Variants in NRG3 observed in about 807,000 individuals in gnomAD.
NRG3 encodes the protein pro-neuregulin-3, membrane-bound isoform.
A neutral mutation model predicts 66.9 loss-of-function variants in NRG3; 31 were observed. The ratio of observed to expected loss-of-function variants is 0.46; its 90% CI spans 0.35 to 0.63. The LOEUF is 0.63. NRG3 is among the 20% of genes least tolerant of loss of function. The probability of loss-of-function intolerance (pLI) is 0.00; values close to 1 mark genes in which losing one functional copy is unlikely to be tolerated. For synonymous variants in NRG3, 393 were observed against 359.4 expected (o/e 1.09, Z -1.06); for missense variants, 910 against 878.9 (o/e 1.04, Z -0.45).
intron 1 of NRG3, among the ~76,000 whole-genome samples, chr10:81,900,356 C>T (rs1459939023): frequency 1.3e-5 from 2 of 151,756 alleles, no homozygotes; most frequent in African/African-American, 4.8e-5. Context: ...GCTAACTTGG[C>T]AAAATAATTT....
At chr10:82,338,852 A>G (rs901314578) in intron 1 of NRG3, among the ~76,000 whole-genome samples, 3 of 152,178 alleles carry the variant, frequency 2.0e-5, no homozygotes, top group Non-Finnish European at 2.9e-5. Context: ...GCAAACCCAG[A>G]TCTGCAAAAG....
intron 1 of NRG3, among the ~76,000 whole-genome samples, chr10:81,994,550 T>C (rs1163736183): frequency 5.3e-5 from 8 of 151,266 alleles, no homozygotes; most frequent in South Asian, 2.1e-4. Flanking sequence ...CTTTTTTTTT[T>C]CCTTGCATAA....
chr10:82,814,374 G>T (rs1012423859), intron 3 of NRG3, among the ~76,000 whole-genome samples: 7 of 152,026 alleles, frequency 4.6e-5, no homozygotes, highest in Admixed American at 3.9e-4. Flanking sequence ...GATTTGCCTA[G>T]GATTAATTTT....
intron 1 of NRG3, among the ~76,000 whole-genome samples, chr10:82,122,536 A>G (rs903236607): frequency 6.6e-6 from 1 of 152,100 alleles, no homozygotes; most frequent in Non-Finnish European, 1.5e-5. Flanking sequence ...ATGAGAGTTG[A>G]ATTCTTTCTC....
chr10:82,701,263 G>T (rs1251719481), intron 2 of NRG3, among the ~76,000 whole-genome samples: 1 of 152,068 alleles, frequency 6.6e-6, no homozygotes, highest in Non-Finnish European at 1.5e-5. Flanking sequence ...TGCTGAATGT[G>T]TACATACATG....
At chr10:82,721,111 C>A (rs2057288858) in intron 2 of NRG3, among the ~76,000 whole-genome samples, 3 of 137,136 alleles carry the variant, frequency 2.2e-5, no homozygotes, top group Non-Finnish European at 3.1e-5. Flanking sequence ...TATTTTGAAA[C>A]AGAGTTTCAC....
intron 1 of NRG3, among the ~76,000 whole-genome samples, chr10:82,202,036 A>G (rs937552719): frequency 6.6e-6 from 1 of 152,212 alleles, no homozygotes; most frequent in African/African-American, 2.4e-5. Flanking sequence ...TTTCTTGAAG[A>G]CCTACTGAGT....
chr10:82,311,664 A>G (rs1181179334), intron 1 of NRG3, among the ~76,000 whole-genome samples: 1 of 152,214 alleles, frequency 6.6e-6, no homozygotes, highest in Non-Finnish European at 1.5e-5. Flanking sequence ...TTTACCAAGC[A>G]CTTTCCAGGA....
chr10:82,221,356 C>T (rs1015407245), intron 1 of NRG3, among the ~76,000 whole-genome samples: 2 of 151,854 alleles, frequency 1.3e-5, no homozygotes, highest in African/African-American at 4.8e-5. Context: ...ACTTTGCTGT[C>T]TTCTTTATGT....
At chr10:82,028,282 CA>C (rs1262350027) in intron 1 of NRG3, among the ~76,000 whole-genome samples, 1 of 151,968 alleles carries the variant, frequency 6.6e-6, no homozygotes, top group Non-Finnish European at 1.5e-5. Flanking sequence ...GAGGAAAAAA[CA>C]AAACAAAACA....
At chr10:82,153,578 C>T (rs76831376) in intron 1 of NRG3, among the ~76,000 whole-genome samples, 4,791 of 151,804 alleles carry the variant, frequency 0.032, 243 homozygotes, top group African/African-American at 0.11. Context: ...GCATATACTC[C>T]GTAGATGGAT....
chr10:82,937,463 A>G (rs1848189035), intron 4 of NRG3, among the ~76,000 whole-genome samples: 1 of 152,240 alleles, frequency 6.6e-6, no homozygotes. Context: ...GCACTATTCA[A>G]CGTGGTAGCC....
At chr10:82,972,961 C>T (rs1277950712) in intron 6 of NRG3, among the ~76,000 whole-genome samples, 8 of 152,080 alleles carry the variant, frequency 5.3e-5, no homozygotes, top group African/African-American at 2.4e-5. Context: ...ACTGAATATC[C>T]AGATTCAAAA....
chr10:82,924,646 A>C (rs1369785960), intron 4 of NRG3, among the ~76,000 whole-genome samples: 1 of 151,864 alleles, frequency 6.6e-6, no homozygotes, highest in African/African-American at 2.4e-5. Flanking sequence ...CTTCTTCTAG[A>C]CCAGTAGCAT....
At chr10:82,788,827 T>C (rs149809251) in intron 3 of NRG3, among the ~76,000 whole-genome samples, 1,615 of 152,192 alleles carry the variant, frequency 0.011, 21 homozygotes, top group Non-Finnish European at 0.015. Context: ...TGTGCCTGGC[T>C]TATTTCACTT....
At chr10:82,708,072 T>C (rs1315722026) in intron 2 of NRG3, among the ~76,000 whole-genome samples, 6 of 152,056 alleles carry the variant, frequency 3.9e-5, no homozygotes, top group Non-Finnish European at 7.4e-5. Context: ...GTTTGGGTAC[T>C]GTTAGTGTGT....
chr10:82,470,515 C>T (rs902155605), intron 2 of NRG3, among the ~76,000 whole-genome samples: 1 of 152,210 alleles, frequency 6.6e-6, no homozygotes, highest in African/African-American at 2.4e-5. Flanking sequence ...TTCAATAGTA[C>T]TTTGTTAAGA....
intron 1 of NRG3, among the ~76,000 whole-genome samples, chr10:82,022,217 T>G (rs1045324033): frequency 6.6e-6 from 1 of 152,058 alleles, no homozygotes; most frequent in African/African-American, 2.4e-5. Flanking sequence ...GGTAGGCAAC[T>G]CATTACAAAT....
intron 2 of NRG3, among the ~76,000 whole-genome samples, chr10:82,367,945 A>G (rs1029427706): frequency 2.6e-4 from 40 of 152,272 alleles, no homozygotes; most frequent in African/African-American, 9.6e-4. Flanking sequence ...CAAGGATGCA[A>G]TAAGCCGAGA....
Sources: allele counts gnomAD v4.1 joint callset (sites outside exome capture counted in the v4.1 genomes callset), GRCh38; gene constraint gnomAD v4.1.1; transcripts MANE v1.5; gene names NCBI Gene and HGNC (gene_info 2026-07-23, HGNC 2026-07-21).